Variants in EYS observed in about 807,000 individuals in gnomAD.
EYS encodes EGF-like photoreceptor maintenance factor, also known as protein eyes shut homolog.
Under a neutral mutation model 282.1 loss-of-function variants are expected in EYS, and 250 were observed. The ratio of observed to expected loss-of-function variants is 0.89; its 90% confidence interval spans 0.80 to 0.98. The LOEUF is 0.98. EYS is among the 50% of genes least tolerant of loss of function. The pLI is 0.00. For missense variants in EYS, 4,016 were observed against 3,709.0 expected, an observed-to-expected ratio of 1.08 and a Z score of -2.15; for synonymous variants, 1,355 against 1,282.9, an observed-to-expected ratio of 1.06 and a Z score of -1.20.
intron 41 of EYS, among the ~76,000 whole-genome samples, chr6:63,762,231 A>G (rs76624205): frequency 0.012 from 1,832 of 152,162 alleles, 30 homozygotes; most frequent in African/African-American, 0.042. Flanking sequence ...AAAATAGAGA[A>G]TTTAGAGTTA....
At chr6:64,943,566 A>G (rs572865043) in intron 15 of EYS, among the ~76,000 whole-genome samples, 1 of 152,150 alleles carries the variant, frequency 6.6e-6, no homozygotes, top group African/African-American at 2.4e-5. Context: ...TCCATTTACA[A>G]TATGAAATCT....
At chr6:63,828,859 G>C (rs1263288758) in intron 36 of EYS, among the ~76,000 whole-genome samples, 1 of 152,132 alleles carries the variant, frequency 6.6e-6, no homozygotes, top group African/African-American at 2.4e-5. Context: ...ACTGCTGGTG[G>C]GAATGTAAAC....
intron 29 of EYS, among the ~76,000 whole-genome samples, chr6:64,359,500 A>T (rs1438836813): frequency 2.0e-5 from 3 of 151,688 alleles, no homozygotes; most frequent in Middle Eastern, 3.2e-3. Flanking sequence ...TTTACAATAA[A>T]ATCTGTCTTC....
At chr6:64,834,664 A>G (rs2150030405) in intron 19 of EYS, among the ~76,000 whole-genome samples, 1 of 151,982 alleles carries the variant, frequency 6.6e-6, no homozygotes, top group East Asian at 1.9e-4. Context: ...ATGGCTTATA[A>G]GCTGCACCTA....
At chr6:64,945,043 A>C (rs1583318018) in intron 15 of EYS, among the ~76,000 whole-genome samples, 1 of 151,756 alleles carries the variant, frequency 6.6e-6, no homozygotes, top group African/African-American at 2.4e-5. Flanking sequence ...ATAATCAATA[A>C]AAGCTGAGGG....
chr6:63,951,206 C>T (rs1765578163), intron 35 of EYS, among the ~76,000 whole-genome samples: 1 of 152,156 alleles, frequency 6.6e-6, no homozygotes, highest in Non-Finnish European at 1.5e-5. Context: ...AAAAGCTCTT[C>T]AACTCACACC....
chr6:65,209,746 G>A (rs758499058), intron 12 of EYS, among the ~76,000 whole-genome samples: 5 of 151,890 alleles, frequency 3.3e-5, no homozygotes, highest in African/African-American at 4.8e-5. Flanking sequence ...ACTGGAGGGA[G>A]CATTGTACAT....
intron 22 of EYS, among the ~76,000 whole-genome samples, chr6:64,788,414 G>C (rs991768536): frequency 6.6e-6 from 1 of 152,038 alleles, no homozygotes; most frequent in East Asian, 1.9e-4. Context: ...GTTTCCACAC[G>C]GCACTCCCAT....
chr6:63,869,927 A>G (rs1010029323), intron 35 of EYS, among the ~76,000 whole-genome samples: 1 of 152,164 alleles, frequency 6.6e-6, no homozygotes, highest in African/African-American at 2.4e-5. Context: ...CATAAAAAAA[A>G]TCTCAGGATC....
chr6:64,118,197 A>C (rs1773454986), intron 31 of EYS, among the ~76,000 whole-genome samples: 1 of 152,114 alleles, frequency 6.6e-6, no homozygotes, highest in Non-Finnish European at 1.5e-5. Context: ...AACTATGCTG[A>C]AAATTTGTAT....
chr6:64,311,565 A>G (rs1371107015), intron 29 of EYS, among the ~76,000 whole-genome samples: 1 of 152,210 alleles, frequency 6.6e-6, no homozygotes, highest in Non-Finnish European at 1.5e-5. Flanking sequence ...ATAAAAACAA[A>G]ATTCTCGAGC....
At chr6:65,466,231 A>G (rs1434024823) in intron 5 of EYS, among the ~76,000 whole-genome samples, 1 of 152,134 alleles carries the variant, frequency 6.6e-6, no homozygotes. Context: ...GAGGTAATGG[A>G]AGCAGTAAAT....
intron 13 of EYS, among the ~76,000 whole-genome samples, chr6:65,048,476 T>C (rs1006060858): frequency 1.3e-5 from 2 of 151,888 alleles, no homozygotes; most frequent in Non-Finnish European, 2.9e-5. Flanking sequence ...TCTCATTGTG[T>C]GTTCCTTTCC....
intron 29 of EYS, among the ~76,000 whole-genome samples, chr6:64,365,555 C>T (rs1476184120): frequency 1.3e-5 from 2 of 152,018 alleles, no homozygotes; most frequent in Admixed American, 6.6e-5. Context: ...TCTTTGACAT[C>T]TCTGCACTGA....
At chr6:64,332,535 A>G (rs941915415) in intron 29 of EYS, among the ~76,000 whole-genome samples, 1 of 152,100 alleles carries the variant, frequency 6.6e-6, no homozygotes, top group Non-Finnish European at 1.5e-5. Context: ...TGCAGGTATC[A>G]CACCTTGGGT....
intron 30 of EYS, among the ~76,000 whole-genome samples, chr6:64,306,574 C>A (rs1022672625): frequency 6.6e-6 from 1 of 152,082 alleles, no homozygotes; most frequent in African/African-American, 2.4e-5. Flanking sequence ...ATAATGGAAA[C>A]TGAAGAACAA....
At chr6:65,689,741 C>A (rs1265760190) in intron 1 of EYS, among the ~76,000 whole-genome samples, 1 of 149,652 alleles carries the variant, frequency 6.7e-6, no homozygotes, top group Non-Finnish European at 1.5e-5. Context: ...GCAGAATGTG[C>A]AGATTTGTTA....
chr6:63,773,698 C>G (rs945155100), intron 40 of EYS, among the ~76,000 whole-genome samples: 1 of 152,118 alleles, frequency 6.6e-6, no homozygotes, highest in Non-Finnish European at 1.5e-5. Context: ...GGGAACAGGT[C>G]ACTAGTTGGA....
intron 2 of EYS, among the ~76,000 whole-genome samples, chr6:65,597,414 C>A (rs143263245): frequency 6.6e-6 from 1 of 152,032 alleles, no homozygotes; most frequent in Non-Finnish European, 1.5e-5. Flanking sequence ...GCAGGAACCA[C>A]CTTTAGCCAC....
Sources: allele counts gnomAD v4.1 joint callset (sites outside exome capture counted in the v4.1 genomes callset), GRCh38; gene constraint gnomAD v4.1.1; transcripts MANE v1.5; gene names NCBI Gene and HGNC (gene_info 2026-07-23, HGNC 2026-07-21).